Variants in COL13A1 observed in about 807,000 individuals in gnomAD.
The protein encoded by COL13A1 is collagen type XIII alpha 1 chain.
A neutral mutation model predicts 130.9 loss-of-function variants in COL13A1; 89 were observed. That is an observed-to-expected ratio of 0.68 (90% CI 0.57 to 0.81). COL13A1 has a LOEUF of 0.81. Among genes scored for constraint, COL13A1 ranks in the 30% least tolerant of loss-of-function variants. The pLI is 0.00. For missense variants in COL13A1, 879 were observed against 934.6 expected (o/e 0.94, Z 0.78); for synonymous variants, 402 against 341.6 (o/e 1.18, Z -1.95).
chr10:69,942,948 A>G (rs1018892094), intron 35 of COL13A1, among the ~76,000 whole-genome samples: 1 of 152,202 alleles, frequency 6.6e-6, no homozygotes, highest in Admixed American at 6.5e-5. Flanking sequence ...CCGGGTTTCA[A>G]GCGATTCTCC....
chr10:69,956,878 A>G (rs2070811908), intron 39 of COL13A1, 126 bp from the exon 40 acceptor site: 1 of 702,446 alleles, frequency 1.4e-6, no homozygotes, highest in Non-Finnish European at 2.6e-6. Flanking sequence ...AAAGAAATAG[A>G]CAAGCGTGGG....
chr10:69,948,445 A>C (rs987095254), intron 38 of COL13A1, among the ~76,000 whole-genome samples: 1 of 152,160 alleles, frequency 6.6e-6, no homozygotes, highest in Non-Finnish European at 1.5e-5. Context: ...TCTTCTATAA[A>C]CAAGAGGGAG....
intron 17 of COL13A1, among the ~76,000 whole-genome samples, chr10:69,912,473 C>T (rs1015561307): frequency 6.6e-6 from 1 of 152,116 alleles, no homozygotes; most frequent in Non-Finnish European, 1.5e-5. Flanking sequence ...AACCGTTAGC[C>T]CTCCACACCT....
intron 28 of COL13A1, among the ~76,000 whole-genome samples, chr10:69,929,543 T>C (rs952327258): frequency 1.3e-5 from 2 of 152,196 alleles, no homozygotes; most frequent in African/African-American, 2.4e-5. Context: ...CAGAATTCCC[T>C]GCCCTTTCCT....
In COL13A1 at chr10:69,883,986, A is replaced by G. The variant is rs181981591; in HGVS notation, c.513+3433A>G. On this transcript the variant is annotated intron_variant, in intron 7 of 40. Transcript: ENST00000645393. ...GGTGGAATTGAAGGATTTCGTGATG[A>G]TAAAAAATAAGGATTGAGGGAGAAG... is the stretch of plus-strand genomic sequence containing the variant. Among the ~76,000 whole-genome samples, 274 of 152,342 alleles carry G rather than the reference A, an allele frequency of 1.8e-3. 4 individuals are homozygous for G. The highest frequency in any genetic ancestry group is 2.6e-3 in the Non-Finnish European group (178 of 68,034).
At chr10:69,878,487 CT>C (rs5785955) in intron 6 of COL13A1, among the ~76,000 whole-genome samples, 109 of 146,690 alleles carry the variant, frequency 7.4e-4, no homozygotes, top group Middle Eastern at 3.5e-3. Context: ...AGCAACACTT[CT>C]TTTTTTTTTT....
At chr10:69,941,577 G>A (rs1015651768) in intron 35 of COL13A1, among the ~76,000 whole-genome samples, 3 of 152,190 alleles carry the variant, frequency 2.0e-5, no homozygotes, top group African/African-American at 7.2e-5. Context: ...TCTTATGCAC[G>A]TTCTAACCAC....
intron 2 of COL13A1, among the ~76,000 whole-genome samples, chr10:69,847,468 C>T (rs748135772): frequency 2.4e-4 from 37 of 152,366 alleles, no homozygotes; most frequent in Non-Finnish European, 5.0e-4. Flanking sequence ...GCCCTCAGCA[C>T]GAGTACCCCT....
intron 1 of COL13A1, among the ~76,000 whole-genome samples, chr10:69,812,166 G>C (rs184562688): frequency 6.6e-6 from 1 of 152,162 alleles, no homozygotes; most frequent in Non-Finnish European, 1.5e-5. Context: ...TGCTAAATGT[G>C]ACCCATATGG....
chr10:69,928,899 G>T, intron 27 of COL13A1, 38 bp from the exon 28 acceptor site: 1 of 1,546,976 alleles, frequency 6.5e-7, no homozygotes, highest in Non-Finnish European at 8.9e-7. Context: ...CCTCCTCCAT[G>T]GGACAGTTCT....
At chr10:69,953,633 TC>T in intron 39 of COL13A1, among the ~76,000 whole-genome samples, 1 of 152,232 alleles carries the variant, frequency 6.6e-6, no homozygotes, top group East Asian at 1.9e-4. Flanking sequence ...TGCCTTTGAA[TC>T]CATTTGAAGG....
chr10:69,818,791 G>C (rs1845285697), intron 1 of COL13A1, among the ~76,000 whole-genome samples: 1 of 152,202 alleles, frequency 6.6e-6, no homozygotes, highest in South Asian at 2.1e-4. Context: ...GTTCTACTCA[G>C]GCCCTCAACA....
intron 10 of COL13A1, among the ~76,000 whole-genome samples, chr10:69,894,214 A>G (rs1267677829): frequency 1.3e-5 from 2 of 152,190 alleles, no homozygotes; most frequent in African/African-American, 4.8e-5. Context: ...TGTCTCCCAG[A>G]GGCTTGATGC....
intron 17 of COL13A1, among the ~76,000 whole-genome samples, chr10:69,915,399 G>T (rs114264066): frequency 6.6e-6 from 1 of 152,198 alleles, no homozygotes; most frequent in East Asian, 1.9e-4. Context: ...AGGGGTCACT[G>T]GTGGGGTCAT....
intron 14 of COL13A1, among the ~76,000 whole-genome samples, chr10:69,900,646 A>T (rs967751354): frequency 1.3e-5 from 2 of 152,220 alleles, no homozygotes; most frequent in African/African-American, 4.8e-5. Context: ...CCGCTTAAAC[A>T]TTGGGTCTAA....
At chr10:69,950,578 G>C (rs142075167) in intron 38 of COL13A1, among the ~76,000 whole-genome samples, 51 of 152,290 alleles carry the variant, frequency 3.3e-4, no homozygotes, top group African/African-American at 1.2e-3. Flanking sequence ...TTACCAGGGG[G>C]CTTCCCCACC....
chr10:69,929,794 C>T (rs558415677), intron 28 of COL13A1, among the ~76,000 whole-genome samples: 13 of 152,322 alleles, frequency 8.5e-5, no homozygotes, highest in Admixed American at 5.9e-4. Context: ...GGAGCCAGAG[C>T]GCCCAGACTG....
chr10:69,832,730 G>A (rs1330932730), intron 2 of COL13A1, among the ~76,000 whole-genome samples: 3 of 152,156 alleles, frequency 2.0e-5, no homozygotes, highest in African/African-American at 7.2e-5. Context: ...GGAGGGCCTT[G>A]GAACCCCCGG....
chr10:69,849,091 A>G (rs1231913671), intron 2 of COL13A1, among the ~76,000 whole-genome samples: 1 of 152,262 alleles, frequency 6.6e-6, no homozygotes, highest in Non-Finnish European at 1.5e-5. Context: ...CCAAACCCAA[A>G]GAGAAGTGTT....
Sources: gnomAD v4.1 joint callset for allele counts (sites outside exome capture counted in the v4.1 genomes callset) on GRCh38, gnomAD v4.1.1 for gene constraint, MANE v1.5 for transcripts, NCBI Gene and HGNC (gene_info 2026-07-23, HGNC 2026-07-21) for gene names.